The following FER variants were observed in gnomAD, a reference collection of about 807,000 sequenced individuals.
FER encodes the protein FER tyrosine kinase.
Under a neutral mutation model 111.0 loss-of-function variants are expected in FER, and 63 were observed. The ratio of observed to expected loss-of-function variants is 0.57; its 90% CI spans 0.46 to 0.70. FER has a LOEUF of 0.70. Among genes scored for constraint, FER ranks in the 30% least tolerant of loss-of-function variants. FER has a pLI of 0.00. For missense variants in FER, 914 were observed against 954.0 expected, an observed-to-expected ratio of 0.96 and a Z score of 0.55; for synonymous variants, 327 against 313.9, an observed-to-expected ratio of 1.04 and a Z score of -0.44.
At chr5:108,833,586 A>G (rs987609688) in intron 4 of FER, among the ~76,000 whole-genome samples, 6 of 152,022 alleles carry the variant, frequency 3.9e-5, no homozygotes, top group Admixed American at 3.3e-4. Context: ...TTAGAAATGT[A>G]ACTACAGGCC....
At chr5:108,931,962 TTGTG>T (rs571366890) in intron 10 of FER, among the ~76,000 whole-genome samples, 4 of 150,696 alleles carry the variant, frequency 2.7e-5, no homozygotes, top group Admixed American at 6.6e-5. Context: ...ATCTTAAATT[TTGTG>T]TGTGTGTGTG....
chr5:109,151,423 ACAGACATACATCTTT>A (rs1384922333), intron 17 of FER, among the ~76,000 whole-genome samples: 1 of 152,146 alleles, frequency 6.6e-6, no homozygotes, highest in African/African-American at 2.4e-5. Context: ...TACAAAAGCT[ACAGACATACATCTTT>A]CACCCAAGGT....
Position 108,835,697 on chromosome 5 carries a change from T to G in FER, c.382-11T>G. 6.6e-7 allele frequency: 1 copy of G among 1,519,504 alleles called. No homozygotes were observed. The highest frequency in any genetic ancestry group is 8.9e-7 in the Non-Finnish European group (1 of 1,124,298). 94.1% of individuals were successfully genotyped at this position (1,519,504 alleles called of 1,614,324 possible). On this transcript the variant is annotated splice_polypyrimidine_tract_variant and intron_variant, in intron 4 of 19. Coordinates refer to ENST00000281092, the MANE Select transcript of FER (RefSeq NM_005246.4). ...AATTTAATACATTTATGCATTTTGT[T>G]TCTTTGACAGGTTACCAAAACAGAA...
intron 17 of FER, among the ~76,000 whole-genome samples, chr5:109,101,637 C>G (rs1187253007): frequency 6.6e-6 from 1 of 151,948 alleles, no homozygotes. Flanking sequence ...GGAGATATTT[C>G]TTTTGGAAAT....
chr5:108,879,869 C>T (rs1015014808), intron 8 of FER, among the ~76,000 whole-genome samples: 1 of 151,220 alleles, frequency 6.6e-6, no homozygotes, highest in African/African-American at 2.4e-5. Context: ...GCCACCACAC[C>T]CAGCTAATTT....
intron 17 of FER, among the ~76,000 whole-genome samples, chr5:109,131,203 A>T (rs1752321976): frequency 6.6e-6 from 1 of 152,198 alleles, no homozygotes; most frequent in Non-Finnish European, 1.5e-5. Flanking sequence ...AGCATTTAGC[A>T]GTAGAAATTG....
intron 13 of FER, among the ~76,000 whole-genome samples, chr5:108,984,677 C>G (rs1048100966): frequency 1.3e-5 from 2 of 151,360 alleles, no homozygotes; most frequent in African/African-American, 4.9e-5. Flanking sequence ...CTGAAAAACA[C>G]ACAAATATGA....
intron 13 of FER, among the ~76,000 whole-genome samples, chr5:109,036,052 T>C (rs1350647206): frequency 6.6e-6 from 1 of 152,202 alleles, no homozygotes; most frequent in East Asian, 1.9e-4. Context: ...ATACAAATGC[T>C]TTATCAGATA....
chr5:108,756,419 A>G (rs1282644157), intron 1 of FER, among the ~76,000 whole-genome samples: 1 of 151,820 alleles, frequency 6.6e-6, no homozygotes, highest in Non-Finnish European at 1.5e-5. Flanking sequence ...AAATCCAGTC[A>G]CTATCGCATT....
chr5:109,060,523 A>C (rs930376229), intron 16 of FER, among the ~76,000 whole-genome samples: 3 of 152,026 alleles, frequency 2.0e-5, no homozygotes, highest in African/African-American at 7.2e-5. Context: ...GTCTCCACTG[A>C]AAATGCAAAA....
intron 13 of FER, among the ~76,000 whole-genome samples, chr5:108,982,284 G>T (rs1261800661): frequency 6.6e-6 from 1 of 152,102 alleles, no homozygotes; most frequent in Non-Finnish European, 1.5e-5. Context: ...GTAAGTTATT[G>T]TTATGACCTT....
At chr5:109,137,102 G>C (rs1326653434) in intron 17 of FER, among the ~76,000 whole-genome samples, 3 of 152,092 alleles carry the variant, frequency 2.0e-5, no homozygotes, top group Non-Finnish European at 4.4e-5. Flanking sequence ...CTTGATGTCA[G>C]TGGCTTTTAT....
chr5:108,869,496 C>T (rs747408474), intron 6 of FER, among the ~76,000 whole-genome samples: 3 of 152,064 alleles, frequency 2.0e-5, no homozygotes, highest in Non-Finnish European at 4.4e-5. Flanking sequence ...AAGTTGAAAT[C>T]ATTCTGGATT....
chr5:109,138,217 A>G (rs544041892), intron 17 of FER, among the ~76,000 whole-genome samples: 1 of 152,332 alleles, frequency 6.6e-6, no homozygotes, highest in South Asian at 2.1e-4. Flanking sequence ...ACCAAGGGAT[A>G]CTTGCCAGTG....
At chr5:108,850,443 C>G (rs748110624) in intron 5 of FER, among the ~76,000 whole-genome samples, 10 of 151,902 alleles carry the variant, frequency 6.6e-5, no homozygotes, top group Non-Finnish European at 1.3e-4. Flanking sequence ...CTTGATTTTT[C>G]AAGGGATTCC....
intron 13 of FER, among the ~76,000 whole-genome samples, chr5:109,010,819 C>T (rs957400160): frequency 2.6e-4 from 39 of 152,034 alleles, no homozygotes; most frequent in African/African-American, 8.5e-4. Flanking sequence ...TTCCATTATT[C>T]TTTGTATTTT....
At chr5:108,962,769 C>G (rs1032304436) in intron 13 of FER, among the ~76,000 whole-genome samples, 4 of 152,060 alleles carry the variant, frequency 2.6e-5, no homozygotes. Context: ...ATTATTGTTG[C>G]TGTTATTGCT....
intron 2 of FER, among the ~76,000 whole-genome samples, chr5:108,773,850 A>G (rs116466967): frequency 5.1e-4 from 77 of 152,298 alleles, no homozygotes; most frequent in African/African-American, 1.8e-3. Flanking sequence ...CAACCTCACC[A>G]ACATCTGTTG....
chr5:109,001,202 C>A (rs1283699607), intron 13 of FER, among the ~76,000 whole-genome samples: 1 of 151,996 alleles, frequency 6.6e-6, no homozygotes, highest in Non-Finnish European at 1.5e-5. Context: ...TAGACCAATA[C>A]CCTTGATGAA....
Sources: allele counts gnomAD v4.1 joint callset (sites outside exome capture counted in the v4.1 genomes callset), GRCh38; gene constraint gnomAD v4.1.1; transcripts MANE v1.5; gene names NCBI Gene and HGNC (gene_info 2026-07-23, HGNC 2026-07-21).